LHCGR: variants seen among roughly 807,000 people sequenced by gnomAD.
The protein encoded by LHCGR is lutropin-choriogonadotropic hormone receptor.
LHCGR carries 55 observed loss-of-function variants against 60.7 expected under a neutral mutation model. That is an observed-to-expected ratio of 0.91 (90% confidence interval 0.73 to 1.13). LHCGR has a LOEUF of 1.13. Among genes scored for constraint, LHCGR ranks in the 50% most tolerant of loss-of-function variants. LHCGR has a pLI of 0.00. For missense variants in LHCGR, 862 were observed against 836.0 expected (o/e 1.03, Z -0.38); for synonymous variants, 337 against 316.5 (o/e 1.06, Z -0.69).
intron 4 of LHCGR, among the ~76,000 whole-genome samples, chr2:48,724,984 T>C (rs1035414472): frequency 3.3e-5 from 5 of 152,134 alleles, no homozygotes; most frequent in Admixed American, 3.3e-4. Flanking sequence ...AAGAGGGATG[T>C]CTGTTTTAGG....
At chr2:48,707,990 G>A (rs1379784897) in intron 8 of LHCGR, among the ~76,000 whole-genome samples, 1 of 152,142 alleles carries the variant, frequency 6.6e-6, no homozygotes, top group Non-Finnish European at 1.5e-5. Context: ...CCTGGGTGAG[G>A]TGACGCCCTG....
intron 2 of LHCGR, among the ~76,000 whole-genome samples, chr2:48,730,999 C>G (rs1668962139): frequency 6.6e-6 from 1 of 152,050 alleles, no homozygotes; most frequent in Non-Finnish European, 1.5e-5. Context: ...AAAATGCATT[C>G]AGTCATTTGA....
At chr2:48,705,695 A>C (rs1353033320) in intron 8 of LHCGR, among the ~76,000 whole-genome samples, 1 of 150,524 alleles carries the variant, frequency 6.6e-6, no homozygotes, top group Non-Finnish European at 1.5e-5. Context: ...CTATTTTATC[A>C]GAGACTAGGA....
intron 1 of LHCGR, among the ~76,000 whole-genome samples, chr2:48,749,779 C>G (rs1260627865): frequency 1.3e-5 from 2 of 151,208 alleles, no homozygotes; most frequent in African/African-American, 4.9e-5. Context: ...AAGGAGGGAG[C>G]TGGGTCCAAT....
chr2:48,707,008 T>C (rs1194533100), intron 8 of LHCGR, among the ~76,000 whole-genome samples: 1 of 152,214 alleles, frequency 6.6e-6, no homozygotes, highest in Admixed American at 6.5e-5. Flanking sequence ...TCTGCTCTGG[T>C]TTCTCCCCAT....
chr2:48,690,383 G>A (rs1283451179), intron 10 of LHCGR, among the ~76,000 whole-genome samples: 4 of 152,152 alleles, frequency 2.6e-5, no homozygotes, highest in South Asian at 2.1e-4. Flanking sequence ...ATTAATATCC[G>A]TGTGCCTCAA....
At chr2:48,690,340 G>A (rs1399679088) in intron 10 of LHCGR, among the ~76,000 whole-genome samples, 1 of 152,160 alleles carries the variant, frequency 6.6e-6, no homozygotes, top group Non-Finnish European at 1.5e-5. Context: ...TCCTAGCATG[G>A]CTCGTACAGG....
At chr2:48,727,575 T>C (rs1668791391) in intron 3 of LHCGR, among the ~76,000 whole-genome samples, 1 of 152,216 alleles carries the variant, frequency 6.6e-6, no homozygotes, top group African/African-American at 2.4e-5. Context: ...TAAGCTGTGT[T>C]TTAGCATTAC....
In LHCGR at chr2:48,687,844, A is replaced by T; in HGVS notation, c.1953T>A (p.Tyr651Ter). 6.2e-7 allele frequency: 1 copy of T among 1,614,162 alleles called. No individual in the cohort carries two copies. Among genetic ancestry groups the T allele is most frequent in the Non-Finnish European group, 8.5e-7 (1 of 1,180,036 alleles). Reference sequence around the variant, plus strand: ...TGTAAGCTGAAAAATCTTTCCTTCTATAAAGTTCAGCCCGACGTTTACAGC... The same window carrying T: ...TGTAAGCTGAAAAATCTTTCCTTCTTTAAAGTTCAGCCCGACGTTTACAGC... ...FGCCKRRAEL[Y>*]RRKDFSAYTS... Residue 651 changes from tyrosine (Y) to a stop codon, truncating the protein, a stop_gained, in exon 11 of 11, where the codon TAT (tyrosine) becomes TAA (stop). Transcript: ENST00000294954. LOFTEE classifies it low-confidence loss of function (END_TRUNC).
intron 1 of LHCGR, among the ~76,000 whole-genome samples, chr2:48,754,620 A>T (rs1348356086): frequency 6.6e-6 from 1 of 150,738 alleles, no homozygotes; most frequent in African/African-American, 2.4e-5. Flanking sequence ...GCCCATACCC[A>T]CTGATTAGTA....
chr2:48,732,734 C>T (rs543529974), intron 1 of LHCGR, among the ~76,000 whole-genome samples: 87 of 152,260 alleles, frequency 5.7e-4, no homozygotes, highest in African/African-American at 2.0e-3. Context: ...GTCACATTCG[C>T]TCTATTTCTT....
intron 1 of LHCGR, chr2:48,732,877 G>C (rs757936467): frequency 1.9e-6 from 1 of 534,472 alleles, no homozygotes; most frequent in East Asian, 5.4e-5. Context: ...TTTGGTCTCT[G>C]ATTCTATTCC....
chr2:48,724,493 G>A (rs1430601398), intron 4 of LHCGR, among the ~76,000 whole-genome samples: 6 of 152,158 alleles, frequency 3.9e-5, no homozygotes, highest in Non-Finnish European at 8.8e-5. Context: ...GGCTCTCTCT[G>A]GTTCTCCTTC....
intron 3 of LHCGR, 67 bp from the exon 4 acceptor site, chr2:48,725,817 T>C (rs1668694100): frequency 2.3e-6 from 3 of 1,294,980 alleles, no homozygotes; most frequent in Non-Finnish European, 3.3e-6. Context: ...ATGTGTGAGA[T>C]CATGGTCACC....
intron 1 of LHCGR, among the ~76,000 whole-genome samples, chr2:48,748,400 A>G (rs1348408939): frequency 6.6e-6 from 1 of 152,178 alleles, no homozygotes; most frequent in African/African-American, 2.4e-5. Flanking sequence ...AGCTGGGCAG[A>G]CAGGACCAAA....
intron 7 of LHCGR, among the ~76,000 whole-genome samples, chr2:48,711,697 C>T (rs191790109): frequency 6.6e-6 from 1 of 152,276 alleles, no homozygotes; most frequent in Non-Finnish European, 1.5e-5. Context: ...GCTTCTCTTG[C>T]TCATCTTGTT....
At chr2:48,755,321 T>C (rs111337287) in intron 1 of LHCGR, among the ~76,000 whole-genome samples, 190 bp downstream of exon 1, 1 of 152,020 alleles carries the variant, frequency 6.6e-6, no homozygotes, top group Non-Finnish European at 1.5e-5. Context: ...CTCAGAGGCA[T>C]GGGGTGGTAA....
intron 1 of LHCGR, among the ~76,000 whole-genome samples, chr2:48,750,185 G>T (rs138277377): frequency 2.6e-5 from 4 of 152,280 alleles, no homozygotes; most frequent in African/African-American, 9.6e-5. Context: ...AAGCTGTCTT[G>T]CTTGCAAGAG....
intron 1 of LHCGR, among the ~76,000 whole-genome samples, chr2:48,755,075 T>C (rs1670146378): frequency 1.3e-5 from 2 of 152,070 alleles, no homozygotes; most frequent in Non-Finnish European, 1.5e-5. Context: ...GAGCACTCCA[T>C]TCCTAGAGGA....
Sources: gnomAD v4.1 joint callset for allele counts (sites outside exome capture counted in the v4.1 genomes callset) on GRCh38, gnomAD v4.1.1 for gene constraint, MANE v1.5 for transcripts, NCBI Gene and HGNC (gene_info 2026-07-23, HGNC 2026-07-21) for gene names.